The following TARS2 variants were observed in gnomAD, a reference collection of about 807,000 sequenced individuals.
The protein encoded by TARS2 is threonyl-tRNA synthetase 2, mitochondrial, also known as threonine--tRNA ligase, mitochondrial.
Under a neutral mutation model 94.4 loss-of-function variants are expected in TARS2, and 61 were observed. That is an observed-to-expected ratio of 0.65 (90% CI 0.53 to 0.80). The LOEUF is 0.80. Among genes scored for constraint, TARS2 ranks in the 30% least tolerant of loss-of-function variants. TARS2 has a pLI of 0.00. For missense variants in TARS2, 704 were observed against 902.5 expected, an observed-to-expected ratio of 0.78 and a Z score of 2.82; for synonymous variants, 359 against 353.4, an observed-to-expected ratio of 1.02 and a Z score of -0.18.
chr1:150,488,330 C>T, intron 2 of TARS2: 2 of 321,834 alleles, frequency 6.2e-6, no homozygotes, highest in Non-Finnish European at 1.2e-5. Context: ...CCACCAAACC[C>T]GGCCTGAGAT....
rs139648221 is a variant in TARS2 at position 150,490,315 on chromosome 1, C to G, written c.388-286C>G. Among the ~76,000 whole-genome samples the G allele has an allele frequency of 0.014, 2,093 of 151,970 alleles. 52 individuals carry two copies. The highest frequency in any genetic ancestry group is 0.048 in the African/African-American group (1,991 of 41,440). ...GTATGTTTTAGCAGAGACAGGGTTT[C>G]ACCATGTTGGCCAGACTGGCCTCGA... On this transcript the variant is annotated intron_variant, in intron 3 of 17. Coordinates refer to ENST00000369064, the MANE Select transcript of TARS2 (RefSeq NM_025150.5).
At chr1:150,492,284 C>A in intron 6 of TARS2, 127 bp from the exon 7 acceptor site, 2 of 961,844 alleles carry the variant, frequency 2.1e-6, no homozygotes, top group African/African-American at 1.6e-5. Context: ...TTTTTATCTG[C>A]CATTGCCCTC....
At chr1:150,501,752 A>T (rs1475320561) in intron 13 of TARS2, among the ~76,000 whole-genome samples, 1 of 152,022 alleles carries the variant, frequency 6.6e-6, no homozygotes, top group Non-Finnish European at 1.5e-5. Context: ...CAGGATTTTG[A>T]GGCTGCATGA....
In TARS2 at chr1:150,497,650, C is replaced by T. The variant is rs1449480949; in HGVS notation, c.1141C>T (p.Pro381Ser). 2.5e-6 allele frequency: 4 copies of T among 1,614,182 alleles called. No individual in the cohort carries two copies. Among genetic ancestry groups the T allele is most frequent in the South Asian group, 1.1e-5 (1 of 91,084 alleles). Residue 381 changes from proline to serine, a missense_variant, in exon 10 of 18, where the codon CCA becomes TCA. Physicochemically the swap from Pro to Ser is moderately conservative, Grantham distance 74 (BLOSUM62 -1). Transcript: ENST00000369064. ...YQEDMFAVQPPGSDRPPSSQS... is the reference protein window; with the variant it reads ...YQEDMFAVQPSGSDRPPSSQS... ...GGAAGACATGTTTGCCGTGCAGCCCCCAGGCTCTGACAGGCCTCCCAGCTC... is the reference window on the plus strand; with the variant it reads ...GGAAGACATGTTTGCCGTGCAGCCCTCAGGCTCTGACAGGCCTCCCAGCTC...
rs1669688787 is a variant in TARS2 at position 150,496,921 on chromosome 1, A to AG, written c.1020+15dup. 6.2e-7 allele frequency: 1 copy of AG among 1,612,658 alleles called. No individual in the cohort carries two copies. Among genetic ancestry groups the AG allele is most frequent in the Non-Finnish European group, 8.5e-7 (1 of 1,179,088 alleles). ...GGCGTTTATCAGGGTAAGGGGACCC[A>AG]GGTCTAGAGGAAAGAAGACCAGGGA... is the stretch of plus-strand genomic sequence containing the variant. On this transcript the variant is annotated intron_variant, in intron 9 of 17. Coordinates refer to ENST00000369064, the MANE Select transcript of TARS2 (RefSeq NM_025150.5).
At chr1:150,502,223 C>T (rs894884013) in intron 13 of TARS2, among the ~76,000 whole-genome samples, 2 of 113,170 alleles carry the variant, frequency 1.8e-5, no homozygotes, top group East Asian at 2.1e-4. Flanking sequence ...GCGTTTTTTT[C>T]GTTTTTGTTT....
chr1:150,498,616 G>A lies in TARS2; in HGVS notation c.1353G>A (p.Leu451=), dbSNP rs776320671. Residue 451 remains leucine, a synonymous_variant, in exon 11 of 18, where the codon CTG becomes CTA. Transcript: ENST00000369064. The part of the protein sequence containing the change: ...ASGGLGGLTR[L]RCFQQDDAHI... ...GTGGTCTGGGGGGACTGACCCGACT[G>A]CGGTGCTTCCAGCAGGATGACGCTC... The A allele has an allele frequency of 1.7e-5, 27 of 1,612,662 alleles. No individual in the cohort carries two copies. Among genetic ancestry groups the A allele is most frequent in the Middle Eastern group, 3.3e-4 (2 of 6,076 alleles).
At chr1:150,495,141 C>T (rs952818890) in intron 7 of TARS2, among the ~76,000 whole-genome samples, 2 of 150,940 alleles carry the variant, frequency 1.3e-5, no homozygotes, top group South Asian at 4.2e-4. Flanking sequence ...GATCACGCCA[C>T]TGCACTCCAG....
intron 13 of TARS2, among the ~76,000 whole-genome samples, chr1:150,503,706 T>TAC (rs1218007529): frequency 6.6e-4 from 96 of 145,670 alleles, no homozygotes; most frequent in African/African-American, 2.4e-3. Flanking sequence ...TGTGTGTATA[T>TAC]ATACACACAC....
chr1:150,498,288 T>C (rs1338787608), intron 10 of TARS2, among the ~76,000 whole-genome samples: 1 of 152,284 alleles, frequency 6.6e-6, no homozygotes, highest in African/African-American at 2.4e-5. Context: ...TGGTAAACGA[T>C]GTCTGTTATT....
rs901651145 is a variant in TARS2 at position 150,505,607 on chromosome 1, G to A, written c.1910G>A (p.Arg637Gln). 2.2e-5 allele frequency: 36 copies of A among 1,613,892 alleles called. No individual in the cohort carries two copies. Among genetic ancestry groups the A allele is most frequent in the Middle Eastern group, 1.6e-4 (1 of 6,076 alleles). Residue 637 changes from arginine (R) to glutamine (Q), a missense_variant, in exon 17 of 18, where the codon CGG becomes CAG. Arg to Gln is a conservative substitution (Grantham distance 43). This residue lies in a region of TARS2 where 466 missense variants were observed against 609.5 expected (regional missense o/e 0.76). Coordinates refer to ENST00000369064, the MANE Select transcript of TARS2 (RefSeq NM_025150.5). ...EYAKEAQQSL[R>Q]AAGLVSDLDA... ...CTGTTGCAGGCACAGCAGAGCCTGC[G>A]GGCTGCAGGACTGGTCAGTGACCTG...
At chr1:150,490,338 C>A (rs1487135608) in intron 3 of TARS2, among the ~76,000 whole-genome samples, 1 of 151,858 alleles carries the variant, frequency 6.6e-6, no homozygotes, top group Non-Finnish European at 1.5e-5. Context: ...AGACTGGCCT[C>A]GAACTCCTGA....
chr1:150,498,674 C>T lies in TARS2; in HGVS notation c.1401+10C>T. The stretch of plus-strand genomic sequence containing the variant: ...CTGTACAACAGATCAGGTGGCCTTT[C>T]CCTGGCTCCACCAAAGCTTTTCTAA... On this transcript the variant is annotated intron_variant, in intron 11 of 17. Coordinates refer to ENST00000369064, the MANE Select transcript of TARS2 (RefSeq NM_025150.5). 1.2e-6 allele frequency: 2 copies of T among 1,613,350 alleles called. No individual in the cohort carries two copies. Among genetic ancestry groups the T allele is most frequent in the South Asian group, 2.2e-5 (2 of 90,978 alleles).
In TARS2 at chr1:150,499,199, G is replaced by A. The variant is rs587665031; in HGVS notation, c.1540-17G>A. On this transcript the variant is annotated splice_polypyrimidine_tract_variant and intron_variant, in intron 12 of 17. Transcript: ENST00000369064. ...GTCTAAGATGATGTATTCCACTCTT[G>A]TCTCATTCCTTCAAAGGTCCTTAAA... is the stretch of plus-strand genomic sequence containing the variant. 14 of 1,614,034 alleles carry A rather than the reference G, an allele frequency of 8.7e-6. No individual in the cohort carries two copies. The South Asian group carries it at 1.5e-4, about 18-fold the overall frequency.
chr1:150,504,578 C>T, intron 14 of TARS2, 54 bp from the exon 15 acceptor site: 1 of 1,594,704 alleles, frequency 6.3e-7, no homozygotes, highest in Non-Finnish European at 8.6e-7. Flanking sequence ...ATCTTGGGTA[C>T]ACAATTCGTG....
rs772637999 is a variant in TARS2 at position 150,496,817 on chromosome 1, A to C, written c.929A>C (p.Glu310Ala). ...RDHRRIGKEQ[E>A]LFFFHELSPG... ...TGCTATTCCTGACCCCAGGAACAGGAGCTCTTCTTCTTCCATGAACTGAGC... is the reference window on the plus strand; with the variant it reads ...TGCTATTCCTGACCCCAGGAACAGGCGCTCTTCTTCTTCCATGAACTGAGC... The change falls in exon 9 of 18, where the codon GAG (glutamate) becomes GCG (alanine). Residue 310 changes from glutamate to alanine, a missense_variant. By Grantham distance (107) the Glu-to-Ala change is moderately radical. Transcript: ENST00000369064. 1.5e-5 allele frequency: 24 copies of C among 1,613,740 alleles called. No homozygotes were observed. The highest frequency in any genetic ancestry group is 2.0e-5 in the Non-Finnish European group (24 of 1,180,010).
At chr1:150,505,508 C>T in intron 16 of TARS2, 83 bp from the exon 17 acceptor site, 1 of 1,187,814 alleles carries the variant, frequency 8.4e-7, no homozygotes, top group East Asian at 2.3e-5. Flanking sequence ...CAGATGGGGG[C>T]ATTGAGGGAA....
intron 10 of TARS2, among the ~76,000 whole-genome samples, chr1:150,498,092 C>CAA (rs375222621): frequency 1.4e-5 from 1 of 70,814 alleles, no homozygotes; most frequent in Non-Finnish European, 2.8e-5. Context: ...GACTCCATCT[C>CAA]AAAAAAAAAA....
intron 14 of TARS2, 23 bp from the exon 15 acceptor site, chr1:150,504,609 A>AT: frequency 6.3e-7 from 1 of 1,582,944 alleles, no homozygotes; most frequent in Non-Finnish European, 8.7e-7. Context: ...CATTCCATCC[A>AT]CCCCCCCCTT....
Sources: allele counts gnomAD v4.1 joint callset (sites outside exome capture counted in the v4.1 genomes callset), GRCh38; gene constraint gnomAD v4.1.1; regional missense constraint gnomAD v4.1.1; transcripts MANE v1.5; gene names NCBI Gene and HGNC (gene_info 2026-07-23, HGNC 2026-07-21).